ZNF148: variants seen among roughly 807,000 people sequenced by gnomAD.
ZNF148 encodes zinc finger protein 148.
Under a neutral mutation model 67.7 loss-of-function variants are expected in ZNF148, and 7 were observed. That is an observed-to-expected ratio of 0.10 (90% confidence interval 0.06 to 0.19). The LOEUF is 0.19. ZNF148 is among the 10% of genes least tolerant of loss of function. The pLI, the probability that ZNF148 is intolerant of heterozygous loss-of-function variation, is 1.00. For missense variants in ZNF148, 583 were observed against 947.1 expected, an observed-to-expected ratio of 0.62 and a Z score of 5.05; for synonymous variants, 333 against 330.7, an observed-to-expected ratio of 1.01 and a Z score of -0.08.
At chr3:125,312,090 A>G (rs1940244700) in intron 4 of ZNF148, among the ~76,000 whole-genome samples, 1 of 152,208 alleles carries the variant, frequency 6.6e-6, no homozygotes, top group Non-Finnish European at 1.5e-5. Context: ...AATTTATTCT[A>G]TGAGACCAGC....
chr3:125,236,364 C>T (rs1480329203), intron 7 of ZNF148, among the ~76,000 whole-genome samples: 1 of 152,032 alleles, frequency 6.6e-6, no homozygotes, highest in Admixed American at 6.6e-5. Flanking sequence ...GCGCCTTGCC[C>T]CTTGTGATAA....
chr3:125,292,289 A>G (rs1156951782), intron 4 of ZNF148, among the ~76,000 whole-genome samples: 2 of 152,204 alleles, frequency 1.3e-5, no homozygotes, highest in African/African-American at 2.4e-5. Context: ...GAAAGTCCAC[A>G]GCTATCCTTT....
At chr3:125,344,121 G>T in intron 1 of ZNF148, 2 of 227,922 alleles carry the variant, frequency 8.8e-6, no homozygotes, top group Non-Finnish European at 1.8e-5. Context: ...AACCCTGTAT[G>T]GTTAAGGACT....
chr3:125,351,380 C>CAAAAAAAAAAAAAAAAAAAAAAAAAAAA lies in ZNF148; in HGVS notation c.-233-20143_-233-20142insTTTTTTTTTTTTTTTTTTTTTTTTTTTT, dbSNP rs1158167448. Among the ~76,000 whole-genome samples, 2 of 51,352 alleles carry CAAAAAAAAAAAAAAAAAAAAAAAAAAAA rather than the reference C, an allele frequency of 3.9e-5. 1 individual carries two copies. 33.7% of individuals were successfully genotyped at this position (51,352 alleles called of 152,430 possible). A position where few individuals can be genotyped will look rare whatever the true frequency, so the allele number is the denominator to read the frequency against. ...GGCCACAGAGTGAGACCTTGTTTCT[C>CAAAAAAAAAAAAAAAAAAAAAAAAAAAA]AAAAAAAAAAAAAAAAAAAAAAAAA... On this transcript the variant is annotated intron_variant, in intron 1 of 8. Transcript: ENST00000360647.
chr3:125,346,445 T>A (rs143541296), intron 1 of ZNF148, among the ~76,000 whole-genome samples: 39 of 152,320 alleles, frequency 2.6e-4, no homozygotes, highest in Admixed American at 5.2e-4. Flanking sequence ...TATTCAACAC[T>A]ACAGTAGAGG....
At chr3:125,291,183 C>G (rs538918722) in intron 4 of ZNF148, among the ~76,000 whole-genome samples, 1 of 152,204 alleles carries the variant, frequency 6.6e-6, no homozygotes, top group African/African-American at 2.4e-5. Flanking sequence ...TGCACCCATA[C>G]CCAGTGACAT....
In ZNF148 at chr3:125,230,074, G is replaced by C. The variant is rs1034457684; in HGVS notation, c.*2267C>G. On this transcript the variant is annotated 3_prime_UTR_variant, in exon 9 of 9. Transcript: ENST00000360647. ...TGCTTGCATAACTACCATTTTCAAA[G>C]GCCTTCCTTCCCAAGCTCACCCTAA... is the stretch of plus-strand genomic sequence containing the variant. The C allele has an allele frequency of 4.6e-5, 7 of 152,402 alleles. No individual in the cohort carries two copies. Among genetic ancestry groups the C allele is most frequent in the African/African-American group, 1.7e-4 (7 of 41,394 alleles). 9.4% of individuals were successfully genotyped at this position (152,402 alleles called of 1,614,324 possible). A position where few individuals can be genotyped will look rare whatever the true frequency, so the allele number is the denominator to read the frequency against.
chr3:125,327,445 T>C (rs536814339), intron 2 of ZNF148, among the ~76,000 whole-genome samples: 2 of 152,200 alleles, frequency 1.3e-5, no homozygotes, highest in South Asian at 4.1e-4. Context: ...ATACATACAG[T>C]TTTAAAACAT....
At chr3:125,269,075 C>T (rs762640414) in intron 7 of ZNF148, among the ~76,000 whole-genome samples, 5 of 151,722 alleles carry the variant, frequency 3.3e-5, no homozygotes, top group African/African-American at 4.8e-5. Context: ...AAGCAATCAA[C>T]GTATGAAAAA....
chr3:125,268,991 A>T (rs1054507092), intron 7 of ZNF148, among the ~76,000 whole-genome samples: 1 of 152,178 alleles, frequency 6.6e-6, no homozygotes, highest in Non-Finnish European at 1.5e-5. Context: ...CAGTTAAATC[A>T]ACAAGCAAAA....
At position 125,226,024 on chromosome 3, in the gene ZNF148, T is replaced by C. The variant is rs961880681; in HGVS notation, c.*6317A>G. On this transcript the variant is annotated 3_prime_UTR_variant, in exon 9 of 9. Transcript: ENST00000360647. ...TAGATGGATGAAAACAAATCTCCAC[T>C]AATGAAAGAAAAAAGAAAAGAAATC... 4 of 152,470 alleles carry C rather than the reference T, an allele frequency of 2.6e-5. No homozygotes were observed. The highest frequency in any genetic ancestry group is 5.9e-5 in the Non-Finnish European group (4 of 68,014). 9.4% of individuals were successfully genotyped at this position (152,470 alleles called of 1,614,324 possible). A position where few individuals can be genotyped will look rare whatever the true frequency, so the allele number is the denominator to read the frequency against.
At chr3:125,329,830 C>CA (rs1579821188) in intron 2 of ZNF148, among the ~76,000 whole-genome samples, 1 of 151,656 alleles carries the variant, frequency 6.6e-6, no homozygotes, top group East Asian at 1.9e-4. Context: ...GAATGATTTG[C>CA]AAAAATGTGG....
chr3:125,293,701 T>G (rs1243649559), intron 4 of ZNF148, among the ~76,000 whole-genome samples: 2 of 151,740 alleles, frequency 1.3e-5, no homozygotes, highest in Admixed American at 1.3e-4. Context: ...AAAATGCATA[T>G]CCACAGATAC....
chr3:125,269,885 A>AT (rs748764232), intron 7 of ZNF148, among the ~76,000 whole-genome samples: 6 of 152,156 alleles, frequency 3.9e-5, no homozygotes, highest in Non-Finnish European at 8.8e-5. Context: ...GTTCCCACTT[A>AT]TAAGTGGGCG....
chr3:125,323,389 T>C lies in ZNF148; in HGVS notation c.-97A>G, dbSNP rs1349936624. The C allele has an allele frequency of 2.9e-6, 2 of 697,112 alleles. No homozygotes were observed. The highest frequency in any genetic ancestry group is 5.2e-6 in the Non-Finnish European group (2 of 383,330). 43.2% of individuals were successfully genotyped at this position (697,112 alleles called of 1,614,324 possible). ...AAGAAATCATGGTTGAGTTTCTACC[T>C]TTCATAGGCTTCAGAAATCCTCAAT... On this transcript the variant is annotated 5_prime_UTR_variant, in exon 3 of 9. Transcript: ENST00000360647.
intron 4 of ZNF148, among the ~76,000 whole-genome samples, chr3:125,310,456 C>T (rs1940142504): frequency 6.6e-6 from 1 of 151,970 alleles, no homozygotes; most frequent in Non-Finnish European, 1.5e-5. Context: ...AAAATCTATG[C>T]AATGTAGCTA....
At chr3:125,252,294 AT>A (rs756571216) in intron 7 of ZNF148, among the ~76,000 whole-genome samples, 4 of 149,550 alleles carry the variant, frequency 2.7e-5, no homozygotes, top group Non-Finnish European at 6.0e-5. Flanking sequence ...CCTGTTTAGG[AT>A]TTTCCCCCCA....
chr3:125,342,980 A>T (rs528578767), intron 1 of ZNF148, among the ~76,000 whole-genome samples: 2 of 152,394 alleles, frequency 1.3e-5, no homozygotes, highest in Admixed American at 1.3e-4. Flanking sequence ...ATTATAAATA[A>T]GTCAAGATGG....
At chr3:125,314,563 A>G (rs1940391755) in intron 3 of ZNF148, among the ~76,000 whole-genome samples, 1 of 152,236 alleles carries the variant, frequency 6.6e-6, no homozygotes, top group South Asian at 2.1e-4. Flanking sequence ...TACTAAGGTT[A>G]TCATTAACAG....
Sources: gnomAD v4.1 joint callset for allele counts (sites outside exome capture counted in the v4.1 genomes callset) on GRCh38, gnomAD v4.1.1 for gene constraint, MANE v1.5 for transcripts, NCBI Gene and HGNC (gene_info 2026-07-23, HGNC 2026-07-21) for gene names.